Variants in PRKCB observed in about 807,000 individuals in gnomAD.
PRKCB encodes protein kinase C beta.
Under a neutral mutation model 81.5 loss-of-function variants are expected in PRKCB, and 13 were observed. That is an observed-to-expected ratio of 0.16 (90% confidence interval 0.10 to 0.25). The LOEUF is 0.25. Among genes scored for constraint, PRKCB ranks in the 10% least tolerant of loss-of-function variants. The pLI is 1.00. For missense variants in PRKCB, 509 were observed against 875.7 expected (o/e 0.58, Z 5.29); for synonymous variants, 335 against 321.4 (o/e 1.04, Z -0.45).
intron 3 of PRKCB, among the ~76,000 whole-genome samples, chr16:24,004,488 A>G (rs1208943582): frequency 6.6e-6 from 1 of 150,980 alleles, no homozygotes; most frequent in Non-Finnish European, 1.5e-5. Flanking sequence ...CAAAAAAAAA[A>G]AAAAAAAAAA....
intron 2 of PRKCB, among the ~76,000 whole-genome samples, chr16:23,843,309 C>T (rs1162863768): frequency 1.3e-5 from 2 of 152,222 alleles, no homozygotes; most frequent in Admixed American, 6.5e-5. Flanking sequence ...TCTTTCTTCC[C>T]AGAAGCAGAC....
intron 3 of PRKCB, among the ~76,000 whole-genome samples, chr16:24,002,296 C>G (rs114709587): frequency 2.7e-3 from 411 of 150,864 alleles, no homozygotes; most frequent in African/African-American, 9.6e-3. Flanking sequence ...TCCCAAAGCA[C>G]AGGTGTGTGT....
rs769865916 is a variant in PRKCB, at chr16:24,191,103, A to T, written c.1736A>T (p.His579Leu). 6.2e-7 allele frequency: 1 copy of T among 1,613,876 alleles called. No homozygotes were observed. Among genetic ancestry groups the T allele is most frequent in the Non-Finnish European group, 8.5e-7 (1 of 1,179,902 alleles). The change falls in exon 16 of 17, where the codon CAC becomes CTC. Residue 579 changes from histidine to leucine, a missense_variant. By Grantham distance (99) the His-to-Leu change is moderately conservative (BLOSUM62 -3). This residue lies in a region of PRKCB where 104 missense variants were observed against 160.5 expected (regional missense o/e 0.65). Coordinates refer to ENST00000643927, the MANE Select transcript of PRKCB (RefSeq NM_002738.7). Reference protein sequence around the residue: ...VAICKGLMTKHPGKRLGCGPE... With the variant: ...VAICKGLMTKLPGKRLGCGPE... The stretch of plus-strand genomic sequence containing the variant: ...TTTCTCTCGAAGCTGATGACCAAAC[A>T]CCCAGGCAAACGTCTGGGTTGTGGA...
At chr16:24,019,579 T>C (rs916830539) in intron 3 of PRKCB, among the ~76,000 whole-genome samples, 3 of 152,094 alleles carry the variant, frequency 2.0e-5, no homozygotes, top group Non-Finnish European at 4.4e-5. Flanking sequence ...GCCTGACTAA[T>C]ATGGCGAAAC....
At chr16:23,990,616 C>T (rs889781324) in intron 3 of PRKCB, among the ~76,000 whole-genome samples, 3 of 151,020 alleles carry the variant, frequency 2.0e-5, no homozygotes, top group African/African-American at 7.3e-5. Context: ...ATGATCATGT[C>T]TCACTCACTG....
At chr16:23,865,265 TTGTGTGTGTGTG>T (rs57426992) in intron 2 of PRKCB, among the ~76,000 whole-genome samples, 8 of 129,150 alleles carry the variant, frequency 6.2e-5, no homozygotes, top group South Asian at 2.6e-4. Context: ...TCTGTTTTGT[TTGTGTGTGTGTG>T]TGTGTGTGTG....
intron 7 of PRKCB, among the ~76,000 whole-genome samples, chr16:24,101,079 T>G (rs1966500699): frequency 6.6e-6 from 1 of 152,164 alleles, no homozygotes; most frequent in Non-Finnish European, 1.5e-5. Flanking sequence ...ATAATAGTGA[T>G]TTTATCTATA....
intron 5 of PRKCB, among the ~76,000 whole-genome samples, chr16:24,077,397 CTCCATCCA>C (rs5816242): frequency 1.9e-4 from 29 of 150,414 alleles, no homozygotes; most frequent in African/African-American, 2.7e-4. Flanking sequence ...GCATTCATCT[CTCCATCCA>C]TCCATCCATC....
In PRKCB at chr16:24,049,421, CA is replaced by C. The variant is rs1200056399; in HGVS notation, c.529+13876del. Among the ~76,000 whole-genome samples the C allele has an allele frequency of 5.2e-3, 709 of 136,130 alleles. 23 individuals are homozygous for C. Among genetic ancestry groups the C allele is most frequent in the Middle Eastern group, 0.013 (3 of 234 alleles). 89.3% of individuals were successfully genotyped at this position (136,130 alleles called of 152,430 possible). On this transcript the variant is annotated intron_variant, in intron 5 of 16. Coordinates refer to ENST00000643927, the MANE Select transcript of PRKCB (RefSeq NM_002738.7). Reference sequence around the variant, plus strand: ...ACTACCCTGGCACATCCAGGACCTGCAACCTTAACCACTAACCTGGCACATC... The same window carrying C: ...ACTACCCTGGCACATCCAGGACCTGCACCTTAACCACTAACCTGGCACATC...
At chr16:23,925,226 C>T (rs1249081783) in intron 2 of PRKCB, among the ~76,000 whole-genome samples, 2 of 152,090 alleles carry the variant, frequency 1.3e-5, no homozygotes, top group African/African-American at 4.8e-5. Context: ...ATTGTCACTT[C>T]TTGGCTATTT....
chr16:23,983,107 T>C (rs894703679), intron 2 of PRKCB, among the ~76,000 whole-genome samples: 2 of 146,640 alleles, frequency 1.4e-5, no homozygotes, highest in African/African-American at 5.1e-5. Context: ...AAATGTTGCC[T>C]CTTCTTAAAA....
At chr16:23,934,061 T>G (rs1964023651) in intron 2 of PRKCB, among the ~76,000 whole-genome samples, 1 of 125,910 alleles carries the variant, frequency 7.9e-6, no homozygotes, top group Non-Finnish European at 1.6e-5. Context: ...ATCCACCCAT[T>G]TGACTTTCTT....
chr16:24,050,041 G>A (rs916722902), intron 5 of PRKCB, among the ~76,000 whole-genome samples: 1 of 152,170 alleles, frequency 6.6e-6, no homozygotes, highest in Non-Finnish European at 1.5e-5. Context: ...AGCCAAGCAC[G>A]TTGAGCTGCT....
At chr16:24,004,577 C>T (rs1965091394) in intron 3 of PRKCB, among the ~76,000 whole-genome samples, 1 of 151,928 alleles carries the variant, frequency 6.6e-6, no homozygotes, top group Admixed American at 6.6e-5. Flanking sequence ...ATCACTTAAG[C>T]CTGGGAGGTG....
At chr16:23,851,313 T>C (rs1962469173) in intron 2 of PRKCB, among the ~76,000 whole-genome samples, 1 of 152,222 alleles carries the variant, frequency 6.6e-6, no homozygotes, top group Admixed American at 6.5e-5. Flanking sequence ...TATCCAGTTT[T>C]CCCAACACCA....
chr16:23,938,425 A>G lies in PRKCB; in HGVS notation c.206-50083A>G, dbSNP rs149112419. On this transcript the variant is annotated intron_variant, in intron 2 of 16. Coordinates refer to ENST00000643927, the MANE Select transcript of PRKCB (RefSeq NM_002738.7). ...AACTTAAGAATGAAGAAGTCATGGTATGGAGGAACTGGGATGAGCACTTCC... is the reference window on the plus strand; with the variant it reads ...AACTTAAGAATGAAGAAGTCATGGTGTGGAGGAACTGGGATGAGCACTTCC... Among the ~76,000 whole-genome samples the G allele has an allele frequency of 3.5e-3, 534 of 152,344 alleles. 3 individuals are homozygous for G. Among genetic ancestry groups the G allele is most frequent in the South Asian group, 0.024 (114 of 4,822 alleles).
At chr16:24,149,949 G>A (rs893092940) in intron 9 of PRKCB, among the ~76,000 whole-genome samples, 50 of 152,152 alleles carry the variant, frequency 3.3e-4, no homozygotes, top group Non-Finnish European at 6.3e-4. Flanking sequence ...TGAAAGCAAG[G>A]CCTCTGCTTG....
intron 4 of PRKCB, 48 bp from the exon 5 acceptor site, chr16:24,035,371 C>T: frequency 6.3e-7 from 1 of 1,596,014 alleles, no homozygotes; most frequent in Non-Finnish European, 8.5e-7. Context: ...GTCTGCAGCC[C>T]CCAGCCTGGG....
chr16:24,009,340 A>T (rs954596443), intron 3 of PRKCB, among the ~76,000 whole-genome samples: 1 of 152,186 alleles, frequency 6.6e-6, no homozygotes, highest in African/African-American at 2.4e-5. Flanking sequence ...GCATATGAAA[A>T]TTTAAAAAGC....
Sources: allele counts gnomAD v4.1 joint callset (sites outside exome capture counted in the v4.1 genomes callset), GRCh38; gene constraint gnomAD v4.1.1; regional missense constraint gnomAD v4.1.1; transcripts MANE v1.5; gene names NCBI Gene and HGNC (gene_info 2026-07-23, HGNC 2026-07-21).